HMCN1: variants seen among roughly 807,000 people sequenced by gnomAD.
HMCN1 encodes the protein hemicentin-1.
A neutral mutation model predicts 625.9 loss-of-function variants in HMCN1; 321 were observed. The observed-to-expected ratio is 0.51, with a 90% CI of 0.47 to 0.56. The LOEUF is 0.56. HMCN1 is among the 20% of genes least tolerant of loss of function. The probability of loss-of-function intolerance (pLI) is 0.00; values close to 1 mark genes in which losing one functional copy is unlikely to be tolerated. For missense variants in HMCN1, 6,588 were observed against 6,887.3 expected, an observed-to-expected ratio of 0.96 and a Z score of 1.54; for synonymous variants, 2,425 against 2,417.6, an observed-to-expected ratio of 1.00 and a Z score of -0.09.
At chr1:185,938,939 T>C (rs1384015293) in intron 11 of HMCN1, among the ~76,000 whole-genome samples, 1 of 152,200 alleles carries the variant, frequency 6.6e-6, no homozygotes, top group Non-Finnish European at 1.5e-5. Context: ...AATCCAAGAA[T>C]TTAATCTAGT....
intron 58 of HMCN1, among the ~76,000 whole-genome samples, chr1:186,086,762 ATAGATAGATAGG>A (rs946756843): frequency 2.7e-4 from 41 of 151,396 alleles, no homozygotes; most frequent in Admixed American, 1.1e-3. Flanking sequence ...ATAGACATAG[ATAGATAGATAGG>A]TAGATAGATA....
At chr1:185,801,666 G>C (rs1237892531) in intron 1 of HMCN1, among the ~76,000 whole-genome samples, 1 of 152,188 alleles carries the variant, frequency 6.6e-6, no homozygotes, top group African/African-American at 2.4e-5. Flanking sequence ...GAACTAAATG[G>C]CAAGGAGGAA....
rs6696445 is a variant in HMCN1 at position 185,749,385 on chromosome 1, C to T, written c.268+14338C>T. ...TTTTGGGAAGTTTCAACATTAAATA[C>T]CCAGGGAGGCCAGGCAGGCAACATC... On this transcript the variant is annotated intron_variant, in intron 1 of 106. Coordinates refer to ENST00000271588, the MANE Select transcript of HMCN1 (RefSeq NM_031935.3). Among the ~76,000 whole-genome samples the T allele has an allele frequency of 5.7e-3, 870 of 152,158 alleles. 3 individuals are homozygous for T. The highest frequency in any genetic ancestry group is 0.02 in the African/African-American group (835 of 41,510).
At chr1:185,922,557 C>T in intron 7 of HMCN1, 58 bp downstream of exon 7, 1 of 1,427,502 alleles carries the variant, frequency 7.0e-7, no homozygotes, top group Non-Finnish European at 9.7e-7. Context: ...AAAAATATTT[C>T]TCAGACTGTC....
At chr1:186,132,622 A>G (rs755073807) in intron 86 of HMCN1, among the ~76,000 whole-genome samples, 4 of 151,056 alleles carry the variant, frequency 2.6e-5, no homozygotes, top group Non-Finnish European at 5.9e-5. Context: ...CGTATATAGT[A>G]TAAGATTGCA....
At chr1:185,826,695 T>A (rs577054494) in intron 1 of HMCN1, among the ~76,000 whole-genome samples, 1 of 152,196 alleles carries the variant, frequency 6.6e-6, no homozygotes, top group East Asian at 1.9e-4. Context: ...GAAAGGATAG[T>A]TTACATTAAG....
intron 1 of HMCN1, among the ~76,000 whole-genome samples, chr1:185,745,860 T>G (rs957650574): frequency 6.6e-6 from 1 of 152,032 alleles, no homozygotes; most frequent in Non-Finnish European, 1.5e-5. Flanking sequence ...AATGAGATCA[T>G]CCAAGGAGAG....
At chr1:186,133,394 C>T (rs915727919) in intron 86 of HMCN1, among the ~76,000 whole-genome samples, 4 of 152,228 alleles carry the variant, frequency 2.6e-5, no homozygotes, top group South Asian at 2.1e-4. Context: ...AATAACTAAA[C>T]GTTCTGGGTG....
chr1:185,842,367 G>T (rs964940097), intron 1 of HMCN1, among the ~76,000 whole-genome samples: 1 of 152,142 alleles, frequency 6.6e-6, no homozygotes, highest in Non-Finnish European at 1.5e-5. Flanking sequence ...CACCCAGCCA[G>T]CCTGGGCAAC....
chr1:185,748,993 A>G (rs1654614693), intron 1 of HMCN1, among the ~76,000 whole-genome samples: 1 of 152,190 alleles, frequency 6.6e-6, no homozygotes, highest in African/African-American at 2.4e-5. Flanking sequence ...TGTACTGATA[A>G]ATGTTAAATC....
chr1:186,025,898 T>C, intron 36 of HMCN1, among the ~76,000 whole-genome samples: 1 of 152,208 alleles, frequency 6.6e-6, no homozygotes. Flanking sequence ...GGTATAGTAG[T>C]AGGTTAAAAC....
chr1:185,919,005 T>C (rs1221568095), intron 6 of HMCN1, among the ~76,000 whole-genome samples: 1 of 151,718 alleles, frequency 6.6e-6, no homozygotes, highest in Non-Finnish European at 1.5e-5. Context: ...ACAGGTTGAA[T>C]CTAGATGATA....
chr1:185,913,613 G>C (rs2102459183), intron 6 of HMCN1, among the ~76,000 whole-genome samples: 1 of 152,222 alleles, frequency 6.6e-6, no homozygotes, highest in African/African-American at 2.4e-5. Flanking sequence ...GTGCACGTGA[G>C]GCCATTCTTC....
rs190307997 is a variant in HMCN1, at chr1:186,070,458, T to G, written c.7994-154T>G. Among the ~76,000 whole-genome samples the G allele has an allele frequency of 5.3e-5, 8 of 152,360 alleles. No individual in the cohort carries two copies. The East Asian group carries it at 1.5e-3, about 29-fold the overall frequency. On this transcript the variant is annotated intron_variant, in intron 51 of 106. Transcript: ENST00000271588. Reference sequence around the variant, plus strand: ...CATCTTGTATTTGAACACTCTTTCATAAGATGTTAACTTAGATACTTAATG... The same window carrying G: ...CATCTTGTATTTGAACACTCTTTCAGAAGATGTTAACTTAGATACTTAATG...
At chr1:186,054,603 G>A (rs555002556) in intron 44 of HMCN1, among the ~76,000 whole-genome samples, 23 of 152,094 alleles carry the variant, frequency 1.5e-4, no homozygotes, top group African/African-American at 5.1e-4. Flanking sequence ...TCAGTGACAC[G>A]TGAATTCAGC....
intron 1 of HMCN1, among the ~76,000 whole-genome samples, chr1:185,765,309 A>C (rs1034879934): frequency 1.3e-5 from 2 of 152,250 alleles, no homozygotes; most frequent in Middle Eastern, 3.4e-3. Flanking sequence ...TAAAAGCATG[A>C]AAAACGGAGG....
At chr1:185,903,455 GT>G (rs57658153) in intron 4 of HMCN1, among the ~76,000 whole-genome samples, 62 of 147,966 alleles carry the variant, frequency 4.2e-4, no homozygotes, top group African/African-American at 1.3e-3. Context: ...CAGAAAGTCT[GT>G]TTTTTTTTTA....
chr1:186,000,583 G>A (rs1219428532), intron 26 of HMCN1, among the ~76,000 whole-genome samples: 1 of 150,140 alleles, frequency 6.7e-6, no homozygotes, highest in Non-Finnish European at 1.5e-5. Context: ...GTGTGTGTGT[G>A]TGTGTGTGTA....
intron 36 of HMCN1, among the ~76,000 whole-genome samples, chr1:186,030,286 C>T (rs773261652): frequency 3.3e-5 from 5 of 152,102 alleles, no homozygotes; most frequent in Middle Eastern, 3.4e-3. Flanking sequence ...AGTGGGATAT[C>T]GAAGTCTCTT....
Sources: gnomAD v4.1 joint callset for allele counts (sites outside exome capture counted in the v4.1 genomes callset) on GRCh38, gnomAD v4.1.1 for gene constraint, MANE v1.5 for transcripts, NCBI Gene and HGNC (gene_info 2026-07-23, HGNC 2026-07-21) for gene names.